Variants in MTFR1 observed in about 807,000 individuals in gnomAD.
MTFR1 encodes the protein chondrocyte protein with a poly-proline region.
MTFR1 carries 28 observed loss-of-function variants against 38.8 expected under a neutral mutation model. The ratio of observed to expected loss-of-function variants is 0.72; its 90% confidence interval spans 0.53 to 0.99. MTFR1 has a LOEUF of 0.99. Among genes scored for constraint, MTFR1 ranks in the 50% least tolerant of loss-of-function variants. The pLI is 0.00. For missense variants in MTFR1, 358 were observed against 395.5 expected (o/e 0.91, Z 0.81); for synonymous variants, 145 against 137.0 (o/e 1.06, Z -0.41).
At chr8:65,713,351 G>T (rs1018529977), downstream of MTFR1, among the ~76,000 whole-genome samples, 1 of 151,706 alleles carries the variant, frequency 6.6e-6, no homozygotes, top group African/African-American at 2.4e-5. Context: ...TGAGACAGGA[G>T]AACTGCTTGA....
chr8:65,668,518 CTTTTTTCTTTTTTTTT>C (rs1355977304), intron 1 of MTFR1, among the ~76,000 whole-genome samples: 7 of 115,394 alleles, frequency 6.1e-5, no homozygotes, highest in Non-Finnish European at 1.0e-4. Context: ...TTTTGTTTTT[CTTTTTTCTTTTTTTTT>C]TTTTTTTTAA....
chr8:65,666,869 G>A (rs1804395329), intron 1 of MTFR1, among the ~76,000 whole-genome samples: 1 of 152,226 alleles, frequency 6.6e-6, no homozygotes, highest in South Asian at 2.1e-4. Context: ...ACACTCCCTG[G>A]CACCATAATC....
intron 3 of MTFR1, among the ~76,000 whole-genome samples, chr8:65,742,986 C>T (rs1039124353): frequency 6.6e-6 from 1 of 152,232 alleles, no homozygotes; most frequent in Non-Finnish European, 1.5e-5. Flanking sequence ...ATCCAGTGCA[C>T]TGCTGAGCTC....
chr8:65,741,642 C>T (rs1807441258), intron 3 of MTFR1, among the ~76,000 whole-genome samples: 1 of 152,170 alleles, frequency 6.6e-6, no homozygotes, highest in Admixed American at 6.5e-5. Flanking sequence ...TCCTGATATG[C>T]TCTATTGGTA....
At chr8:65,683,644 A>G (rs762597792) in intron 3 of MTFR1, among the ~76,000 whole-genome samples, 6 of 152,202 alleles carry the variant, frequency 3.9e-5, no homozygotes, top group Non-Finnish European at 8.8e-5. Context: ...AGAAGTGCCC[A>G]TGTGTACCCG....
chr8:65,753,788 G>A (rs538384770), intron 3 of MTFR1, among the ~76,000 whole-genome samples: 1 of 152,122 alleles, frequency 6.6e-6, no homozygotes, highest in Admixed American at 6.6e-5. Flanking sequence ...CATATATTGT[G>A]GAAATCCATT....
upstream of MTFR1, among the ~76,000 whole-genome samples, chr8:65,644,127 G>A (rs1808885198): frequency 6.6e-6 from 1 of 152,160 alleles, no homozygotes; most frequent in Non-Finnish European, 1.5e-5. Flanking sequence ...ATATTTTCAC[G>A]ACAATTATTT....
chr8:65,670,259 A>G (rs1450305193), intron 2 of MTFR1, among the ~76,000 whole-genome samples: 1 of 152,186 alleles, frequency 6.6e-6, no homozygotes, highest in East Asian at 1.9e-4. Context: ...TAAGAGCAAT[A>G]TATTTGTTAT....
intron 1 of MTFR1, among the ~76,000 whole-genome samples, chr8:65,652,879 G>A (rs574146537): frequency 6.6e-6 from 1 of 152,282 alleles, no homozygotes; most frequent in Admixed American, 6.5e-5. Flanking sequence ...GCTCTAGCTA[G>A]GACTTTTTAC....
rs750787186 is a variant in MTFR1 at position 65,708,062 on chromosome 8, T to C, written c.933+51T>C. ...CCTGTTATGTAGAAATCCATCCCAT[T>C]GCCAAGCACTTGCATTTTGCAAGTG... On this transcript the variant is annotated intron_variant, in intron 7 of 7. Coordinates refer to ENST00000262146, the MANE Select transcript of MTFR1 (RefSeq NM_014637.4). 18 of 1,606,612 alleles carry C rather than the reference T, an allele frequency of 1.1e-5. No homozygotes were observed. The East Asian group carries it at 4.0e-4, about 36-fold the overall frequency.
intron 1 of MTFR1, among the ~76,000 whole-genome samples, chr8:65,658,382 G>A (rs1563433932): frequency 6.6e-6 from 1 of 152,108 alleles, no homozygotes; most frequent in Non-Finnish European, 1.5e-5. Flanking sequence ...TTTTCAATTT[G>A]ACTGCTATAA....
intron 3 of MTFR1, among the ~76,000 whole-genome samples, chr8:65,691,353 T>G (rs1390847714): frequency 1.3e-5 from 2 of 152,200 alleles, no homozygotes; most frequent in Non-Finnish European, 2.9e-5. Context: ...GGTGGTGCGA[T>G]CATGCCTCAC....
chr8:65,775,772 C>G (rs1165055581), downstream of MTFR1, among the ~76,000 whole-genome samples: 2 of 152,182 alleles, frequency 1.3e-5, no homozygotes, highest in African/African-American at 4.8e-5. Flanking sequence ...GGATTACAGG[C>G]ACGCACCACT....
downstream of MTFR1, among the ~76,000 whole-genome samples, chr8:65,713,257 A>G (rs1283940131): frequency 6.6e-6 from 1 of 152,192 alleles, no homozygotes; most frequent in African/African-American, 2.4e-5. Flanking sequence ...CCTGGCCAAC[A>G]TGGTGAAACC....
intron 2 of MTFR1, among the ~76,000 whole-genome samples, chr8:65,672,056 A>C (rs1804579836): frequency 6.6e-6 from 1 of 152,214 alleles, no homozygotes; most frequent in East Asian, 1.9e-4. Flanking sequence ...TGTTCACTTT[A>C]AGCTGGAAAG....
chr8:65,726,268 T>C (rs1806602569), intron 3 of MTFR1, among the ~76,000 whole-genome samples: 1 of 152,192 alleles, frequency 6.6e-6, no homozygotes. Flanking sequence ...TTATAAACCA[T>C]CACCATCGTG....
intron 3 of MTFR1, among the ~76,000 whole-genome samples, chr8:65,685,643 C>G (rs1458978549): frequency 1.3e-5 from 2 of 152,020 alleles, no homozygotes; most frequent in Non-Finnish European, 2.9e-5. Flanking sequence ...GCAAGTAAAC[C>G]TGAAATTCAT....
At chr8:65,653,117 G>A (rs560468184) in intron 1 of MTFR1, among the ~76,000 whole-genome samples, 6 of 152,324 alleles carry the variant, frequency 3.9e-5, no homozygotes, top group South Asian at 2.1e-4. Context: ...GGAGTACAAT[G>A]TATAGTTAAG....
chr8:65,691,895 ATGTTT>A (rs1805293478), intron 3 of MTFR1, among the ~76,000 whole-genome samples: 1 of 152,236 alleles, frequency 6.6e-6, no homozygotes, highest in Non-Finnish European at 1.5e-5. Context: ...AACAACTGAT[ATGTTT>A]AAAGTTTTAT....
Sources: allele counts gnomAD v4.1 joint callset (sites outside exome capture counted in the v4.1 genomes callset), GRCh38; gene constraint gnomAD v4.1.1; transcripts MANE v1.5; gene names NCBI Gene and HGNC (gene_info 2026-07-23, HGNC 2026-07-21).